MIEF1: variants seen among roughly 807,000 people sequenced by gnomAD.
MIEF1 encodes the protein mitochondrial elongation factor 1, also known as mitochondrial dynamics protein MIEF1.
MIEF1 carries 14 observed loss-of-function variants against 35.1 expected under a neutral mutation model. The ratio of observed to expected loss-of-function variants is 0.40; its 90% CI spans 0.26 to 0.62. The LOEUF is 0.62. MIEF1 is among the 20% of genes least tolerant of loss of function. The pLI is 0.43. For synonymous variants in MIEF1, 245 were observed against 254.3 expected (o/e 0.96, Z 0.35); for missense variants, 542 against 615.4 (o/e 0.88, Z 1.26).
chr22:39,515,202 A>C lies in MIEF1; in HGVS notation c.*879A>C, dbSNP rs1481464368. The C allele has an allele frequency of 3.5e-5, 24 of 695,590 alleles. No homozygotes were observed. Among genetic ancestry groups the C allele is most frequent in the Non-Finnish European group, 5.9e-5 (22 of 372,586 alleles). 43.1% of individuals were successfully genotyped at this position (695,590 alleles called of 1,614,324 possible). A position where few individuals can be genotyped will look rare whatever the true frequency, so the allele number is the denominator to read the frequency against. On this transcript the variant is annotated 3_prime_UTR_variant, in exon 6 of 6. Transcript: ENST00000325301. ...CTTCATCATGAATGCTGGTTTTCAC[A>C]CCTTTTCCTTATTTTATTGCCAATC...
At chr22:39,511,730 A>G in intron 3 of MIEF1, 119 bp from the exon 4 acceptor site, 3 of 1,366,082 alleles carry the variant, frequency 2.2e-6, no homozygotes, top group Non-Finnish European at 3.0e-6. Flanking sequence ...CTATAATCTA[A>G]AATAAAAACA....
Position 39,513,937 on chromosome 22 carries a change from C to G in MIEF1, c.1006C>G (p.Leu336Val). The change falls in exon 6 of 6, where the codon CTG becomes GTG. Residue 336 changes from leucine to valine, a missense_variant. Transcript: ENST00000325301. ...KPHRLAQYDN[L>V]WRLSLRPAET... ...ACACCGGCTAGCCCAGTATGACAAC[C>G]TGTGGCGGCTGAGCCTGCGTCCCGC... 1 of 1,613,600 alleles carries G rather than the reference C, an allele frequency of 6.2e-7. No individual in the cohort carries two copies. The highest frequency in any genetic ancestry group is 8.5e-7 in the Non-Finnish European group (1 of 1,180,046).
Position 39,514,157 on chromosome 22 carries a change from T to C in MIEF1, c.1226T>C (p.Leu409Pro), listed in dbSNP as rs1166990326. The change falls in exon 6 of 6, where the codon CTG becomes CCG. Residue 409 changes from leucine to proline, a missense_variant. Leu to Pro is a moderately conservative substitution (Grantham distance 98). Transcript: ENST00000325301. ...CCGGATATGCTGGCCGACCGTTTCC[T>C]GCAGGCCTTGAGGGGACTTATCAGC... ...WSPDMLADRF[L>P]QALRGLISYL... The C allele has an allele frequency of 1.9e-6, 3 of 1,614,254 alleles. No homozygotes were observed. Among genetic ancestry groups the C allele is most frequent in the Middle Eastern group, 3.3e-4 (2 of 6,062 alleles).
In MIEF1 at chr22:39,517,841, C is replaced by A; in HGVS notation, c.*3518C>A. On this transcript the variant is annotated 3_prime_UTR_variant, in exon 6 of 6. Transcript: ENST00000325301. ...AATGCACAGTAGGTGTTTACCTTTA[C>A]ATTTGGATCACCTTGTAGTCTTTAA... 3.5e-6 allele frequency: 1 copy of A among 287,976 alleles called. No homozygotes were observed. The highest frequency in any genetic ancestry group is 6.9e-6 in the Non-Finnish European group (1 of 143,932). 17.8% of individuals were successfully genotyped at this position (287,976 alleles called of 1,614,324 possible).
Position 39,512,404 on chromosome 22 carries a change from T to C in MIEF1, c.495T>C (p.Cys165=). 2 of 1,614,196 alleles carry C rather than the reference T, an allele frequency of 1.2e-6. No homozygotes were observed. ...ARAKQAAVDI[C]AELRSFLRAK... Reference sequence around the variant, plus strand: ...CCAAGCAAGCTGCTGTGGACATATGTGCCGAGCTCCGGAGCTTCCTGCGGG... The same window carrying C: ...CCAAGCAAGCTGCTGTGGACATATGCGCCGAGCTCCGGAGCTTCCTGCGGG... The change falls in exon 5 of 6, where the codon TGT becomes TGC. Residue 165 remains cysteine (C), a synonymous_variant. Coordinates refer to ENST00000325301, the MANE Select transcript of MIEF1 (RefSeq NM_019008.6).
At position 39,512,407 on chromosome 22, in the gene MIEF1, C is replaced by G; in HGVS notation, c.498C>G (p.Ala166=). The change falls in exon 5 of 6, where the codon GCC becomes GCG. Residue 166 remains alanine, a synonymous_variant. Transcript: ENST00000325301. The part of the protein sequence containing the change: ...RAKQAAVDIC[A]ELRSFLRAKL... ...AGCAAGCTGCTGTGGACATATGTGC[C>G]GAGCTCCGGAGCTTCCTGCGGGCCA... The G allele has an allele frequency of 6.2e-7, 1 of 1,614,152 alleles. No homozygotes were observed. Among genetic ancestry groups the G allele is most frequent in the Non-Finnish European group, 8.5e-7 (1 of 1,180,018 alleles).
At chr22:39,511,590 T>TC in intron 3 of MIEF1, 152 bp downstream of exon 3, 1 of 1,235,562 alleles carries the variant, frequency 8.1e-7, no homozygotes, top group South Asian at 1.7e-5. Context: ...TATAGAGTGA[T>TC]CGTCATTACA....
chr22:39,504,143 A>G (rs1050981095), intron 1 of MIEF1, 60 bp from the exon 2 acceptor site: 4 of 398,052 alleles, frequency 1.0e-5, no homozygotes, highest in Non-Finnish European at 1.8e-5. Context: ...CATAGTCTCT[A>G]CAGGTCCTTT....
chr22:39,512,624 C>A, intron 5 of MIEF1, 130 bp downstream of exon 5: 1 of 1,217,580 alleles, frequency 8.2e-7, no homozygotes, highest in Non-Finnish European at 1.1e-6. Context: ...TGTACCTCAG[C>A]AGCATTTGGA....
chr22:39,510,294 G>T (rs937673457), intron 2 of MIEF1, among the ~76,000 whole-genome samples: 4 of 151,772 alleles, frequency 2.6e-5, no homozygotes, highest in African/African-American at 9.7e-5. Context: ...AAGAGATGGG[G>T]TCTCACTCTG....
Position 39,514,293 on chromosome 22 carries a change from G to C in MIEF1, c.1362G>C (p.Leu454Phe), listed in dbSNP as rs1462410096. Residue 454 changes from leucine (L) to phenylalanine (F), a missense_variant, in exon 6 of 6, where the codon TTG becomes TTC. By Grantham distance (22) the Leu-to-Phe change is conservative (BLOSUM62 0). Coordinates refer to ENST00000325301, the MANE Select transcript of MIEF1 (RefSeq NM_019008.6). ...DELGYTLYCS[L>F]SEPEVLLQT ...TAGGATACACTCTGTATTGCTCATTGTCTGAGCCAGAGGTGCTGCTGCAGA... is the reference window on the plus strand; with the variant it reads ...TAGGATACACTCTGTATTGCTCATTCTCTGAGCCAGAGGTGCTGCTGCAGA... 3.7e-6 allele frequency: 6 copies of C among 1,613,850 alleles called. No homozygotes were observed. The highest frequency in any genetic ancestry group is 5.1e-6 in the Non-Finnish European group (6 of 1,180,008).
In MIEF1 at chr22:39,513,985, C is replaced by T; in HGVS notation, c.1054C>T (p.Leu352=). The change falls in exon 6 of 6, where the codon CTG becomes TTG. Residue 352 remains leucine, a synonymous_variant. Transcript: ENST00000325301. ...CGCGGAGACGGCACGCCTGCGGGCT[C>T]TGGACCAGGCTGACTCGGGCTGCCG... The part of the protein sequence containing the change: ...RPAETARLRA[L]DQADSGCRSL... 6.2e-7 allele frequency: 1 copy of T among 1,613,240 alleles called. No individual in the cohort carries two copies. Among genetic ancestry groups the T allele is most frequent in the South Asian group, 1.1e-5 (1 of 91,086 alleles).
chr22:39,517,632 T>G lies in MIEF1; in HGVS notation c.*3309T>G, dbSNP rs1387430979. The G allele has an allele frequency of 2.1e-6, 1 of 471,054 alleles. No homozygotes were observed. The allele number at this position is 471,054 out of a possible 1,614,324, so 29.2% of individuals were successfully genotyped here. ...GATACTTCCTTGGGACTGACTTGGC[T>G]GAGAACGTGTTCTGTCAGAGGATTT... On this transcript the variant is annotated 3_prime_UTR_variant, in exon 6 of 6. Transcript: ENST00000325301.
At chr22:39,501,787 G>A (rs2294360), upstream of MIEF1, 69,544 of 152,172 alleles carry the variant, frequency 0.46, 17,394 homozygotes, top group African/African-American at 0.68. Flanking sequence ...GTGAAGGGGG[G>A]CATTTGAGGT....
rs751601277 is a variant in MIEF1 at position 39,513,507 on chromosome 22, G to T, written c.586-10G>T. 3 of 1,612,184 alleles carry T rather than the reference G, an allele frequency of 1.9e-6. No homozygotes were observed. In the African/African-American group the frequency reaches 4.0e-5, roughly 22 times the overall value. On this transcript the variant is annotated splice_polypyrimidine_tract_variant and intron_variant, in intron 5 of 5. Transcript: ENST00000325301. ...AAACCCTCAAAACCCTTTAAATTCT[G>T]CCCTGACAGGTGGTGACAGCTGACC...
In MIEF1 at chr22:39,504,185, C is replaced by A. The variant is rs61678986; in HGVS notation, c.-339-18C>A. ...TAATTCTGATACTAGGCTTGTATGT[C>A]TTTCCTTCTGTTTATAGTGTGACAC... On this transcript the variant is annotated intron_variant, in intron 1 of 5. Transcript: ENST00000325301. The A allele has an allele frequency of 5.0e-6, 2 of 398,812 alleles. No homozygotes were observed. The highest frequency in any genetic ancestry group is 8.8e-6 in the Non-Finnish European group (2 of 226,100). The allele number at this position is 398,812 out of a possible 1,614,324, so 24.7% of individuals were successfully genotyped here.
chr22:39,509,001 T>A (rs769694023), intron 2 of MIEF1, among the ~76,000 whole-genome samples: 9 of 152,068 alleles, frequency 5.9e-5, no homozygotes, highest in Admixed American at 1.3e-4. Context: ...AGTGATCCTT[T>A]TTTTTTTTTC....
At position 39,502,322 on chromosome 22, in the gene MIEF1, A is replaced by T. The variant is rs1601739211; in HGVS notation, c.-455A>T. On this transcript the variant is annotated 5_prime_UTR_variant, in exon 1 of 6. Coordinates refer to ENST00000325301, the MANE Select transcript of MIEF1 (RefSeq NM_019008.6). ...CTCGTGCTCCCTTCAGCCCCTTCGC[A>T]GCTCCGTGCGCAAGGTCGTGTCCCG... 2.0e-5 allele frequency: 3 copies of T among 152,392 alleles called. No homozygotes were observed. Among genetic ancestry groups the T allele is most frequent in the South Asian group, 4.1e-4 (2 of 4,822 alleles). The allele number at this position is 152,392 out of a possible 1,614,324, so 9.4% of individuals were successfully genotyped here. A position where few individuals can be genotyped will look rare whatever the true frequency, so the allele number is the denominator to read the frequency against.
At position 39,513,525 on chromosome 22, in the gene MIEF1, A is replaced by G; in HGVS notation, c.594A>G (p.Thr198=). 1 of 1,613,838 alleles carries G rather than the reference A, an allele frequency of 6.2e-7. No individual in the cohort carries two copies. The highest frequency in any genetic ancestry group is 2.2e-5 in the East Asian group (1 of 44,866). The change falls in exon 6 of 6, where the codon ACA becomes ACG. Residue 198 remains threonine, a synonymous_variant. Coordinates refer to ENST00000325301, the MANE Select transcript of MIEF1 (RefSeq NM_019008.6). ...AAATTCTGCCCTGACAGGTGGTGAC[A>G]GCTGACCACATCCAACTCATTGTGC... is the stretch of plus-strand genomic sequence containing the variant. ...GSLYDDLQVV[T]ADHIQLIVPL...
Sources: allele counts gnomAD v4.1 joint callset (sites outside exome capture counted in the v4.1 genomes callset), GRCh38; gene constraint gnomAD v4.1.1; transcripts MANE v1.5; gene names NCBI Gene and HGNC (gene_info 2026-07-23, HGNC 2026-07-21).